The following PATJ variants were observed in gnomAD, a reference collection of about 807,000 sequenced individuals.
PATJ encodes PATJ crumbs cell polarity complex component.
PATJ carries 190 observed loss-of-function variants against 224.9 expected under a neutral mutation model. That is an observed-to-expected ratio of 0.84 (90% CI 0.75 to 0.95). PATJ has a LOEUF of 0.95. Among genes scored for constraint, PATJ ranks in the 40% least tolerant of loss-of-function variants. The pLI, the probability that PATJ is intolerant of heterozygous loss-of-function variation, is 0.00. For synonymous variants in PATJ, 769 were observed against 820.3 expected (o/e 0.94, Z 1.07); for missense variants, 2,121 against 2,270.3 (o/e 0.93, Z 1.34).
At chr1:61,880,054 T>G (rs918549520) in intron 21 of PATJ, among the ~76,000 whole-genome samples, 2 of 152,036 alleles carry the variant, frequency 1.3e-5, no homozygotes, top group African/African-American at 4.8e-5. Context: ...GCCAGGCTGG[T>G]CTCAAGTGAT....
At chr1:61,801,568 A>C (rs971841479) in intron 11 of PATJ, 55 bp from the exon 12 acceptor site, 1 of 1,106,964 alleles carries the variant, frequency 9.0e-7, no homozygotes, top group African/African-American at 1.6e-5. Context: ...CTCAACAACT[A>C]ATAATTCAAG....
At chr1:61,967,655 T>C (rs886066050) in intron 27 of PATJ, among the ~76,000 whole-genome samples, 1 of 152,236 alleles carries the variant, frequency 6.6e-6, no homozygotes, top group African/African-American at 2.4e-5. Context: ...TGTTGCAGTA[T>C]TAAATGAGAT....
rs1558097048 is a variant in PATJ, at chr1:62,051,362, C to CACA, written c.4125+304_4125+305insACA. On this transcript the variant is annotated intron_variant, in intron 31 of 43. Transcript: ENST00000642238. Reference sequence around the variant, plus strand: ...CCTCACTCTGTCGCCCAGGCTGGAGCGCAGTGGCTGGAGCACAGTGGTGCA... The same window carrying CACA: ...CCTCACTCTGTCGCCCAGGCTGGAGCACAGCAGTGGCTGGAGCACAGTGGTGCA... Among the ~76,000 whole-genome samples, 208 of 152,084 alleles carry CACA rather than the reference C, an allele frequency of 1.4e-3. 2 individuals are homozygous for CACA. The highest frequency in any genetic ancestry group is 4.8e-3 in the African/African-American group (200 of 41,488).
At chr1:62,141,294 G>C (rs1191430776) in intron 41 of PATJ, among the ~76,000 whole-genome samples, 1 of 152,104 alleles carries the variant, frequency 6.6e-6, no homozygotes, top group Non-Finnish European at 1.5e-5. Context: ...CCTGCTTCAG[G>C]TTCCTCATCT....
chr1:61,816,544 A>G (rs529097209), intron 14 of PATJ: 24 of 152,198 alleles, frequency 1.6e-4, no homozygotes, highest in Non-Finnish European at 2.8e-4. Context: ...TTTATAAAAA[A>G]ATTTTCAAAA....
intron 30 of PATJ, among the ~76,000 whole-genome samples, chr1:62,041,162 C>G (rs1417867618): frequency 1.3e-5 from 2 of 152,230 alleles, no homozygotes; most frequent in Middle Eastern, 3.4e-3. Flanking sequence ...ATGTAGATTC[C>G]CCTGGTGCCA....
chr1:61,944,974 C>G (rs1304287183), intron 27 of PATJ, among the ~76,000 whole-genome samples: 1 of 152,148 alleles, frequency 6.6e-6, no homozygotes, highest in Non-Finnish European at 1.5e-5. Context: ...TCCAGCCAAA[C>G]TAAGCTTCAT....
At chr1:62,007,748 A>G (rs537146500) in intron 28 of PATJ, among the ~76,000 whole-genome samples, 2 of 152,308 alleles carry the variant, frequency 1.3e-5, no homozygotes, top group South Asian at 2.1e-4. Flanking sequence ...TGGTTTGCAG[A>G]CAATGTTCCT....
chr1:61,795,099 TA>T (rs78496504), intron 9 of PATJ, among the ~76,000 whole-genome samples: 1,447 of 101,170 alleles, frequency 0.014, 13 homozygotes, highest in Non-Finnish European at 0.019. Context: ...ATAGTGATGG[TA>T]AAAAAAAAAA....
chr1:61,779,046 A>AT (rs142482236), intron 7 of PATJ, among the ~76,000 whole-genome samples: 106,396 of 141,136 alleles, frequency 0.75, 37,433 homozygotes, highest in East Asian at 0.89. Context: ...ATATAATGAC[A>AT]TAATATACAT....
intron 27 of PATJ, among the ~76,000 whole-genome samples, chr1:61,963,078 G>A (rs530370689): frequency 3.3e-5 from 5 of 152,224 alleles, no homozygotes; most frequent in East Asian, 1.9e-4. Flanking sequence ...TAAAAAATAC[G>A]CAGTCTATTA....
intron 7 of PATJ, among the ~76,000 whole-genome samples, chr1:61,776,141 C>T (rs1269600547): frequency 6.6e-6 from 1 of 152,176 alleles, no homozygotes; most frequent in Non-Finnish European, 1.5e-5. Flanking sequence ...TATTGCTTCA[C>T]CTTATGCAGC....
intron 14 of PATJ, among the ~76,000 whole-genome samples, chr1:61,812,237 T>C (rs901284828): frequency 6.6e-6 from 1 of 152,106 alleles, no homozygotes; most frequent in African/African-American, 2.4e-5. Flanking sequence ...TCTCTTGTTA[T>C]GCCAAAATTT....
chr1:62,014,742 T>C (rs1646670751), intron 28 of PATJ, among the ~76,000 whole-genome samples: 2 of 151,806 alleles, frequency 1.3e-5, no homozygotes, highest in Non-Finnish European at 2.9e-5. Flanking sequence ...AATTTTTATA[T>C]TGTTTGTCAA....
chr1:62,128,863 TTAA>T lies in PATJ; in HGVS notation c.5190_5192del (p.Asn1731del). 1 of 1,612,728 alleles carries T rather than the reference TTAA, an allele frequency of 6.2e-7. No individual in the cohort carries two copies. Among genetic ancestry groups the T allele is most frequent in the South Asian group, 1.1e-5 (1 of 91,002 alleles). Reference sequence around the variant, plus strand: ...CAGGTTGGAGATCGGATTGTCAGCATTAACGGGCAACCTTTGGATGGGCTGTCT... The same window carrying T: ...CAGGTTGGAGATCGGATTGTCAGCATCGGGCAACCTTTGGATGGGCTGTCT... On this transcript the variant is annotated inframe_deletion, in exon 41 of 44. Transcript: ENST00000642238.
intron 6 of PATJ, among the ~76,000 whole-genome samples, chr1:61,772,028 A>G (rs943142695): frequency 6.6e-6 from 1 of 150,882 alleles, no homozygotes; most frequent in Non-Finnish European, 1.5e-5. Flanking sequence ...GGCCCGTTTT[A>G]CTTTTCATGG....
intron 1 of PATJ, among the ~76,000 whole-genome samples, chr1:61,750,885 C>G (rs1311083205): frequency 6.6e-6 from 1 of 152,122 alleles, no homozygotes; most frequent in African/African-American, 2.4e-5. Flanking sequence ...ACTGAAAGGT[C>G]ACTAACAGTT....
At chr1:61,998,301 C>G (rs1263333716) in intron 28 of PATJ, among the ~76,000 whole-genome samples, 1 of 151,702 alleles carries the variant, frequency 6.6e-6, no homozygotes, top group East Asian at 1.9e-4. Context: ...CCAGGCTGGT[C>G]TCGAACTCCT....
chr1:62,026,478 G>T (rs1441849500), intron 29 of PATJ, among the ~76,000 whole-genome samples: 1 of 101,170 alleles, frequency 9.9e-6, no homozygotes, highest in Non-Finnish European at 1.8e-5. Context: ...GTGTGTGTGT[G>T]TGTGTGTGTC....
Sources: gnomAD v4.1 joint callset for allele counts (sites outside exome capture counted in the v4.1 genomes callset) on GRCh38, gnomAD v4.1.1 for gene constraint, MANE v1.5 for transcripts, NCBI Gene and HGNC (gene_info 2026-07-23, HGNC 2026-07-21) for gene names.